ARHGAP32: variants seen among roughly 807,000 people sequenced by gnomAD.
The protein encoded by ARHGAP32 is rho GTPase-activating protein 32.
In ARHGAP32, 51 loss-of-function variants were observed where a neutral mutation model predicts 186.5. The observed-to-expected ratio is 0.27, with a 90% CI of 0.22 to 0.35. The LOEUF (loss-of-function observed/expected upper bound fraction) is 0.35. Ranked by LOEUF, ARHGAP32 falls within the 10% of genes least tolerant of loss-of-function variation. The pLI is 1.00. For missense variants in ARHGAP32, 2,186 were observed against 2,623.5 expected, an observed-to-expected ratio of 0.83 and a Z score of 3.64; for synonymous variants, 950 against 964.3, an observed-to-expected ratio of 0.99 and a Z score of 0.27.
chr11:128,987,505 G>A (rs1945908151), intron 13 of ARHGAP32, among the ~76,000 whole-genome samples: 1 of 152,122 alleles, frequency 6.6e-6, no homozygotes, highest in Non-Finnish European at 1.5e-5. Flanking sequence ...AAGGGTAATG[G>A]CATGTCAAGA....
In ARHGAP32 at chr11:129,230,837, ATAAAG is replaced by A. The variant is rs1240311095; in HGVS notation, c.-5+48304_-5+48308del. Among the ~76,000 whole-genome samples the A allele has an allele frequency of 4.6e-5, 7 of 152,154 alleles. No homozygotes were observed. In the East Asian group the frequency reaches 1.2e-3, roughly 25 times the overall value. On this transcript the variant is annotated intron_variant, in intron 1 of 6. Transcript: ENST00000525234. ...AAAATTTAATATATTATCCAATACC[ATAAAG>A]TAATCATTTTGGCCAGGCACGGTGG...
chr11:129,195,300 C>T (rs1944377885), upstream of ARHGAP32, among the ~76,000 whole-genome samples: 1 of 151,964 alleles, frequency 6.6e-6, no homozygotes, highest in Admixed American at 6.6e-5. Context: ...TTCATGAATC[C>T]TATTCACCTT....
At chr11:129,058,176 G>GAA (rs150926865) in intron 10 of ARHGAP32, among the ~76,000 whole-genome samples, 6,727 of 132,490 alleles carry the variant, frequency 0.051, 224 homozygotes, top group African/African-American at 0.089. Flanking sequence ...CCCAATAACA[G>GAA]AAAAAAAAAT....
chr11:129,032,292 T>C (rs1442377435), intron 11 of ARHGAP32, among the ~76,000 whole-genome samples: 2 of 152,250 alleles, frequency 1.3e-5, no homozygotes, highest in African/African-American at 2.4e-5. Context: ...CTCCTACCAG[T>C]TGCCCAGAGG....
In ARHGAP32 at chr11:128,972,894, G is replaced by A; in HGVS notation, c.3612C>T (p.Asn1204=). ...CCAAGAAGGAGACAGTTGGCATACT[G>A]TTCTTCCCAGACTGGTCTTCAGGGA... ...VSFPEDQSGK[N]SMPTVSFLDQ... The change falls in exon 22 of 23, where the codon AAC becomes AAT. Residue 1204 remains asparagine (N), a synonymous_variant. Coordinates refer to ENST00000682385, the MANE Select transcript of ARHGAP32 (RefSeq NM_001378024.1). 6.2e-7 allele frequency: 1 copy of A among 1,614,064 alleles called. No homozygotes were observed.
intron 1 of ARHGAP32, among the ~76,000 whole-genome samples, chr11:129,203,879 C>A (rs1284075318): frequency 1.3e-5 from 2 of 149,430 alleles, no homozygotes; most frequent in African/African-American, 4.9e-5. Flanking sequence ...GCCCAGTCGA[C>A]AGAGTGAGAC....
chr11:129,033,580 T>C (rs1939202390), intron 11 of ARHGAP32, among the ~76,000 whole-genome samples: 1 of 152,220 alleles, frequency 6.6e-6, no homozygotes, highest in African/African-American at 2.4e-5. Context: ...CTTAAGGGCA[T>C]ATTATGATAA....
At chr11:129,230,007 G>T (rs1397850868) in intron 1 of ARHGAP32, among the ~76,000 whole-genome samples, 1 of 152,046 alleles carries the variant, frequency 6.6e-6, no homozygotes, top group Non-Finnish European at 1.5e-5. Context: ...TAGAGACAAG[G>T]TTTTGCCATG....
chr11:129,228,072 A>T (rs1355382758), intron 1 of ARHGAP32, among the ~76,000 whole-genome samples: 1 of 152,152 alleles, frequency 6.6e-6, no homozygotes, highest in African/African-American at 2.4e-5. Context: ...GATTAATAAC[A>T]AGGAGATCTG....
At chr11:129,271,393 C>T (rs570269161) in intron 1 of ARHGAP32, among the ~76,000 whole-genome samples, 4 of 152,062 alleles carry the variant, frequency 2.6e-5, no homozygotes, top group Admixed American at 1.3e-4. Flanking sequence ...AGGAAGAATC[C>T]GGGGTTCTGG....
At chr11:129,243,788 CCATT>C (rs549536917) in intron 1 of ARHGAP32, among the ~76,000 whole-genome samples, 15 of 152,298 alleles carry the variant, frequency 9.8e-5, no homozygotes, top group African/African-American at 3.6e-4. Flanking sequence ...CAGAATTCTA[CCATT>C]CAAAGCCCAG....
Position 128,970,194 on chromosome 11 carries a change from G to T in ARHGAP32, c.5019C>A (p.Ser1673=). 6.2e-7 allele frequency: 1 copy of T among 1,614,210 alleles called. No homozygotes were observed. Among genetic ancestry groups the T allele is most frequent in the Non-Finnish European group, 8.5e-7 (1 of 1,180,042 alleles). ...RYSPYSSSSS[S]YYSPDGALCD... Reference sequence around the variant, plus strand: ...ACAGGGCCCCATCTGGACTGTAATAGGAACTAGAAGAACTGGAATATGGGC... The same window carrying T: ...ACAGGGCCCCATCTGGACTGTAATATGAACTAGAAGAACTGGAATATGGGC... The change falls in exon 23 of 23, where the codon TCC becomes TCA. Residue 1673 remains serine (S), a synonymous_variant. Transcript: ENST00000682385. This position sits in a 1 kb window ranked among gnomAD's most constrained non-coding sequence, Gnocchi z 5.8.
At chr11:129,050,411 G>A (rs1163685904) in intron 10 of ARHGAP32, among the ~76,000 whole-genome samples, 3 of 151,936 alleles carry the variant, frequency 2.0e-5, no homozygotes, top group Non-Finnish European at 4.4e-5. Flanking sequence ...TCAGTATGTT[G>A]CCCAGGCTGG....
chr11:129,263,628 GGGGAGA>G (rs1289116429), intron 1 of ARHGAP32, among the ~76,000 whole-genome samples: 12 of 148,648 alleles, frequency 8.1e-5, no homozygotes, highest in African/African-American at 3.0e-4. Context: ...GAGAGGGGGA[GGGGAGA>G]GGGAGGGGGA....
chr11:129,278,431 G>T (rs1344330611), intron 1 of ARHGAP32, among the ~76,000 whole-genome samples: 2 of 152,128 alleles, frequency 1.3e-5, no homozygotes, highest in Non-Finnish European at 2.9e-5. Context: ...AGCTACAAAA[G>T]GTCCAAGGTA....
chr11:128,977,851 TTTATTATTATTATTA>T (rs58982581), intron 19 of ARHGAP32, among the ~76,000 whole-genome samples: 80 of 138,964 alleles, frequency 5.8e-4, no homozygotes, highest in South Asian at 7.2e-4. Flanking sequence ...TTATTTGCAA[TTTATTATTATTATTA>T]TTATTATTAT....
chr11:128,987,171 C>A (rs1945898332), intron 13 of ARHGAP32, among the ~76,000 whole-genome samples: 1 of 152,092 alleles, frequency 6.6e-6, no homozygotes, highest in Non-Finnish European at 1.5e-5. Flanking sequence ...TTTTAATAGG[C>A]AGGAAAATCT....
rs146607865 is a variant in ARHGAP32 at position 129,087,802 on chromosome 11, T to C, written c.531+5819A>G. Reference sequence around the variant, plus strand: ...ACAAATGTACCACTGTGGTGTGGGATGTCAATAGTGGGGGATGTTGCATGT... The same window carrying C: ...ACAAATGTACCACTGTGGTGTGGGACGTCAATAGTGGGGGATGTTGCATGT... On this transcript the variant is annotated intron_variant, in intron 6 of 22. Transcript: ENST00000682385. Among the ~76,000 whole-genome samples, 226 of 152,326 alleles carry C rather than the reference T, an allele frequency of 1.5e-3. 1 individual carries two copies. The highest frequency in any genetic ancestry group is 5.0e-3 in the African/African-American group (209 of 41,562).
chr11:129,093,836 T>C, intron 5 of ARHGAP32, 129 bp from the exon 6 acceptor site: 1 of 654,968 alleles, frequency 1.5e-6, no homozygotes, highest in South Asian at 1.9e-5. Flanking sequence ...ACATATCTTA[T>C]ATGAGAACTT....
Sources: gnomAD v4.1 joint callset for allele counts (sites outside exome capture counted in the v4.1 genomes callset) on GRCh38, gnomAD v4.1.1 for gene constraint, Gnocchi (gnomAD v3.1) non-coding constraint, MANE v1.5 for transcripts, NCBI Gene and HGNC (gene_info 2026-07-23, HGNC 2026-07-21) for gene names.